DLG2: variants seen among roughly 807,000 people sequenced by gnomAD.
DLG2 encodes the protein disks large homolog 2.
A neutral mutation model predicts 132.5 loss-of-function variants in DLG2; 45 were observed. That is an observed-to-expected ratio of 0.34 (90% CI 0.27 to 0.44). The LOEUF (loss-of-function observed/expected upper bound fraction) is 0.44, where lower values mean the gene tolerates loss of function less well. Among genes scored for constraint, DLG2 ranks in the 20% least tolerant of loss-of-function variants. The pLI is 1.00. For missense variants in DLG2, 1,045 were observed against 1,196.9 expected (o/e 0.87, Z 1.87); for synonymous variants, 424 against 419.6 (o/e 1.01, Z -0.13).
In DLG2 at chr11:85,527,948, T is replaced by G. The variant is rs940892664; in HGVS notation, c.40+70709A>C. 3.3e-5 allele frequency among the ~76,000 whole-genome samples: 5 copies of G among 152,378 alleles called. No homozygotes were observed. In the East Asian group the frequency reaches 9.6e-4, roughly 29 times the overall value. ...TGATTTGCATTTCTCTAATGACCAG[T>G]GATGATGAGCTTTTTTGCATATGCT... On this transcript the variant is annotated intron_variant, in intron 3 of 27. Coordinates refer to ENST00000376104, the MANE Select transcript of DLG2 (RefSeq NM_001142699.3).
At chr11:85,310,229 C>G (rs1365215230) in intron 3 of DLG2, among the ~76,000 whole-genome samples, 1 of 152,046 alleles carries the variant, frequency 6.6e-6, no homozygotes, top group Non-Finnish European at 1.5e-5. Flanking sequence ...TATCTAACAC[C>G]CTTTGTCTAA....
chr11:83,618,599 G>C (rs1164873695), intron 19 of DLG2, among the ~76,000 whole-genome samples: 1 of 152,162 alleles, frequency 6.6e-6, no homozygotes, highest in Admixed American at 6.5e-5. Context: ...AAGGTACTAA[G>C]TGGCCAAGCC....
chr11:85,057,663 C>G (rs946712658), intron 6 of DLG2, among the ~76,000 whole-genome samples: 1 of 151,282 alleles, frequency 6.6e-6, no homozygotes, highest in Non-Finnish European at 1.5e-5. Context: ...TTAAGGCCAG[C>G]GTATTTTTGA....
intron 6 of DLG2, among the ~76,000 whole-genome samples, chr11:85,004,966 C>T (rs1358973148): frequency 2.0e-5 from 3 of 152,130 alleles, no homozygotes; most frequent in African/African-American, 7.2e-5. Flanking sequence ...TTCCCAACAC[C>T]ATTTATTAAA....
At chr11:85,004,414 A>G (rs142817161) in intron 6 of DLG2, among the ~76,000 whole-genome samples, 157 of 152,170 alleles carry the variant, frequency 1.0e-3, no homozygotes, top group African/African-American at 3.3e-3. Flanking sequence ...TCGCCATTCT[A>G]GCTGGTGTGA....
At chr11:85,597,042 C>T (rs2079822951) in intron 3 of DLG2, among the ~76,000 whole-genome samples, 1 of 152,212 alleles carries the variant, frequency 6.6e-6, no homozygotes, top group Non-Finnish European at 1.5e-5. Flanking sequence ...ATTATTGTTG[C>T]CTCTAATTTT....
intron 6 of DLG2, among the ~76,000 whole-genome samples, chr11:85,103,813 A>G (rs553530337): frequency 5.0e-4 from 76 of 152,106 alleles, no homozygotes; most frequent in South Asian, 2.5e-3. Flanking sequence ...ATATCTGCAG[A>G]TCACATATCT....
rs541140539 is a variant in DLG2 at position 84,009,472 on chromosome 11, A to G, written c.920-28830T>C. ...TATGGTATGATTTTTTTTCTGATCTATTCTTCAATAATGAGGTTGTATAAC... is the reference window on the plus strand; with the variant it reads ...TATGGTATGATTTTTTTTCTGATCTGTTCTTCAATAATGAGGTTGTATAAC... On this transcript the variant is annotated intron_variant, in intron 11 of 27. Coordinates refer to ENST00000376104, the MANE Select transcript of DLG2 (RefSeq NM_001142699.3). 2.0e-5 allele frequency among the ~76,000 whole-genome samples: 3 copies of G among 152,162 alleles called. No homozygotes were observed. The South Asian group carries it at 6.2e-4, about 32-fold the overall frequency.
At chr11:85,326,390 C>G (rs1434744225) in intron 3 of DLG2, among the ~76,000 whole-genome samples, 1 of 121,802 alleles carries the variant, frequency 8.2e-6, no homozygotes, top group Admixed American at 8.8e-5. Context: ...GGGTTACCCT[C>G]AAAGGAAAGC....
intron 6 of DLG2, among the ~76,000 whole-genome samples, chr11:84,856,002 C>A (rs2082736978): frequency 6.6e-6 from 1 of 151,996 alleles, no homozygotes. Flanking sequence ...TAAATCCTCT[C>A]TAAAATAATT....
At chr11:85,259,528 C>G (rs2076835097) in intron 4 of DLG2, among the ~76,000 whole-genome samples, 1 of 151,958 alleles carries the variant, frequency 6.6e-6, no homozygotes, top group African/African-American at 2.4e-5. Flanking sequence ...GCTGACCCTC[C>G]CAAGTAACCT....
intron 2 of DLG2, among the ~76,000 whole-genome samples, chr11:85,612,136 T>A (rs1334165077): frequency 6.6e-6 from 1 of 152,234 alleles, no homozygotes; most frequent in Non-Finnish European, 1.5e-5. Context: ...TTAAAACCTA[T>A]AATTGATAAT....
intron 6 of DLG2, among the ~76,000 whole-genome samples, chr11:84,801,874 G>C (rs182440671): frequency 6.6e-6 from 1 of 152,222 alleles, no homozygotes; most frequent in African/African-American, 2.4e-5. Context: ...GGACAAATTT[G>C]GTATTGAGAA....
chr11:84,442,134 G>GT (rs1269250824), intron 7 of DLG2, among the ~76,000 whole-genome samples: 1 of 152,084 alleles, frequency 6.6e-6, no homozygotes, highest in Admixed American at 6.6e-5. Context: ...ATTTAAAGTA[G>GT]TTTTTTTCTG....
At chr11:84,184,013 G>A (rs1277090932) in intron 8 of DLG2, among the ~76,000 whole-genome samples, 1 of 151,706 alleles carries the variant, frequency 6.6e-6, no homozygotes, top group East Asian at 1.9e-4. Flanking sequence ...CTTTGCTATT[G>A]TGAATAATGC....
chr11:85,007,049 A>G (rs982117793), intron 6 of DLG2, among the ~76,000 whole-genome samples: 6 of 152,166 alleles, frequency 3.9e-5, no homozygotes, highest in African/African-American at 1.4e-4. Context: ...TAGTTCATAA[A>G]TCATTTTAGG....
chr11:84,235,641 T>C (rs1448277482), intron 8 of DLG2, among the ~76,000 whole-genome samples: 1 of 152,240 alleles, frequency 6.6e-6, no homozygotes, highest in East Asian at 1.9e-4. Flanking sequence ...GTGTTTCTCT[T>C]TGTAGCACTT....
At chr11:84,088,556 A>G (rs2097032537) in intron 10 of DLG2, among the ~76,000 whole-genome samples, 1 of 152,172 alleles carries the variant, frequency 6.6e-6, no homozygotes, top group African/African-American at 2.4e-5. Flanking sequence ...AGCTGAAATT[A>G]TTCTTCTTGT....
At chr11:85,347,797 CTTT>C (rs1168590401) in intron 3 of DLG2, among the ~76,000 whole-genome samples, 2 of 94,962 alleles carry the variant, frequency 2.1e-5, no homozygotes, top group African/African-American at 8.6e-5. Flanking sequence ...AAGAGGCACT[CTTT>C]TTTTTTTTTT....
Sources: allele counts gnomAD v4.1 joint callset (sites outside exome capture counted in the v4.1 genomes callset), GRCh38; gene constraint gnomAD v4.1.1; transcripts MANE v1.5; gene names NCBI Gene and HGNC (gene_info 2026-07-23, HGNC 2026-07-21).